SGCD: variants seen among roughly 807,000 people sequenced by gnomAD.
The protein encoded by SGCD is sarcoglycan delta, also known as delta-sarcoglycan.
In SGCD, 18 loss-of-function variants were observed where a neutral mutation model predicts 36.6. That is an observed-to-expected ratio of 0.49 (90% CI 0.34 to 0.73). The LOEUF is 0.73. Among genes scored for constraint, SGCD ranks in the 30% least tolerant of loss-of-function variants. SGCD has a pLI of 0.01. For missense variants in SGCD, 387 were observed against 346.7 expected (o/e 1.12, Z -0.92); for synonymous variants, 133 against 130.6 (o/e 1.02, Z -0.12).
chr5:155,886,432 C>T (rs1458632985), intron 1 of SGCD, among the ~76,000 whole-genome samples: 2 of 152,040 alleles, frequency 1.3e-5, no homozygotes, highest in Admixed American at 1.3e-4. Context: ...ATCCATGGTC[C>T]AGTCAGAACT....
chr5:156,687,497 A>G (rs1050187736), intron 7 of SGCD, among the ~76,000 whole-genome samples: 1 of 152,212 alleles, frequency 6.6e-6, no homozygotes, highest in African/African-American at 2.4e-5. Context: ...TTGTGTTGGC[A>G]TTATGTCACT....
chr5:156,367,587 G>A (rs938026499), intron 3 of SGCD, among the ~76,000 whole-genome samples: 34 of 152,130 alleles, frequency 2.2e-4, no homozygotes, highest in African/African-American at 7.2e-4. Flanking sequence ...TGGAACATAC[G>A]GAACAACATT....
At chr5:156,309,649 G>T (rs1767336500) in intron 3 of SGCD, among the ~76,000 whole-genome samples, 1 of 146,768 alleles carries the variant, frequency 6.8e-6, no homozygotes, top group Non-Finnish European at 1.5e-5. Flanking sequence ...CGCCTGGGCT[G>T]GAATGCAGTG....
At position 156,578,868 on chromosome 5, in the gene SGCD, C is replaced by G. The variant is rs190926660; in HGVS notation, c.295-10363C>G. On this transcript the variant is annotated intron_variant, in intron 4 of 8. Transcript: ENST00000337851. ...TGTTGATCTTTTCAAAAAACCAGCT[C>G]CTGGATTCATTGATTCTTTTGAAGG... 1.7e-3 allele frequency among the ~76,000 whole-genome samples: 253 copies of G among 152,230 alleles called. 3 individuals are homozygous for G. The highest frequency in any genetic ancestry group is 1.2e-4 in the Non-Finnish European group (8 of 68,028).
chr5:156,688,933 G>A (rs1754009651), intron 7 of SGCD, among the ~76,000 whole-genome samples: 1 of 152,144 alleles, frequency 6.6e-6, no homozygotes, highest in Admixed American at 6.6e-5. Context: ...TCAAACCTGG[G>A]TTTTCTCACA....
intron 3 of SGCD, among the ~76,000 whole-genome samples, chr5:156,417,158 A>G (rs776388872): frequency 6.6e-6 from 1 of 152,324 alleles, no homozygotes; most frequent in South Asian, 2.1e-4. Flanking sequence ...TGATAATGTG[A>G]TGATGCTTCA....
chr5:156,481,940 T>C (rs191413059), intron 3 of SGCD, among the ~76,000 whole-genome samples: 1 of 152,290 alleles, frequency 6.6e-6, no homozygotes, highest in African/African-American at 2.4e-5. Flanking sequence ...TATGCCACGT[T>C]CAGGGACAAC....
At chr5:155,928,280 G>C (rs1369883903) in intron 1 of SGCD, among the ~76,000 whole-genome samples, 1 of 152,160 alleles carries the variant, frequency 6.6e-6, no homozygotes, top group African/African-American at 2.4e-5. Context: ...TGCTTCTTCA[G>C]AGGAGGATAT....
intron 4 of SGCD, among the ~76,000 whole-genome samples, chr5:156,552,177 A>G (rs1208542845): frequency 6.6e-6 from 1 of 152,158 alleles, no homozygotes; most frequent in Admixed American, 6.5e-5. Context: ...CACACAGCAC[A>G]TGTTTCTCTC....
chr5:156,276,279 G>T (rs1462851441), intron 3 of SGCD, among the ~76,000 whole-genome samples: 1 of 152,188 alleles, frequency 6.6e-6, no homozygotes, highest in African/African-American at 2.4e-5. Context: ...ATCATCACGA[G>T]ATAATGGACA....
chr5:156,321,535 A>G (rs955721176), intron 3 of SGCD, among the ~76,000 whole-genome samples: 2 of 152,168 alleles, frequency 1.3e-5, no homozygotes, highest in Admixed American at 1.3e-4. Flanking sequence ...TGATACTTTA[A>G]TCTACCCACC....
chr5:156,470,032 GA>G (rs1314286557), intron 3 of SGCD, among the ~76,000 whole-genome samples: 1 of 152,198 alleles, frequency 6.6e-6, no homozygotes, highest in Non-Finnish European at 1.5e-5. Context: ...CTTCTACTGA[GA>G]AATATGTATA....
At chr5:156,684,419 G>C (rs116774256) in intron 7 of SGCD, among the ~76,000 whole-genome samples, 1 of 152,144 alleles carries the variant, frequency 6.6e-6, no homozygotes, top group Non-Finnish European at 1.5e-5. Flanking sequence ...GCTCCTCTGC[G>C]CTATAGATTC....
intron 3 of SGCD, among the ~76,000 whole-genome samples, chr5:156,353,099 C>T (rs1181613197): frequency 6.6e-6 from 1 of 152,226 alleles, no homozygotes; most frequent in Non-Finnish European, 1.5e-5. Flanking sequence ...TGTTCCATAA[C>T]TCAGGACCCT....
At chr5:156,624,463 TC>T in intron 6 of SGCD, among the ~76,000 whole-genome samples, 1 of 151,930 alleles carries the variant, frequency 6.6e-6, no homozygotes, top group East Asian at 1.9e-4. Flanking sequence ...CGCCTGTAGT[TC>T]CAGCTACTCG....
At chr5:155,823,062 A>ATATCTCTATATCTATCTATCTATC in the SGCD span, among the ~76,000 whole-genome samples, 52 of 145,278 alleles carry the variant, frequency 3.6e-4, no homozygotes, top group Middle Eastern at 3.5e-3. Flanking sequence ...CTATATCTCT[A>ATATCTCTATATCTATCTATCTATC]TATCTATCTA....
intron 7 of SGCD, among the ~76,000 whole-genome samples, chr5:156,667,101 A>G (rs1276195560): frequency 1.3e-5 from 2 of 152,230 alleles, no homozygotes; most frequent in South Asian, 4.1e-4. Context: ...TTCAAATTTC[A>G]GATTTTCAGA....
chr5:156,550,069 T>C (rs1758728066), intron 4 of SGCD, among the ~76,000 whole-genome samples: 1 of 152,140 alleles, frequency 6.6e-6, no homozygotes, highest in African/African-American at 2.4e-5. Flanking sequence ...TGCAGAAAAC[T>C]GACATGAAAG....
At chr5:156,154,467 A>G (rs1762902649) in intron 3 of SGCD, among the ~76,000 whole-genome samples, 1 of 151,746 alleles carries the variant, frequency 6.6e-6, no homozygotes, top group South Asian at 2.1e-4. Flanking sequence ...ACTGATAAAA[A>G]ACAAATTCAT....
Sources: allele counts gnomAD v4.1 joint callset (sites outside exome capture counted in the v4.1 genomes callset), GRCh38; gene constraint gnomAD v4.1.1; transcripts MANE v1.5; gene names NCBI Gene and HGNC (gene_info 2026-07-23, HGNC 2026-07-21).